SYNE1: variants seen among roughly 807,000 people sequenced by gnomAD.
The protein encoded by SYNE1 is spectrin repeat containing nuclear envelope protein 1, also known as nesprin-1.
SYNE1 carries 616 observed loss-of-function variants against 1,111.0 expected under a neutral mutation model. That is an observed-to-expected ratio of 0.55 (90% confidence interval 0.52 to 0.59). The LOEUF (loss-of-function observed/expected upper bound fraction) is 0.59, where lower values mean the gene tolerates loss of function less well. Ranked by LOEUF, SYNE1 falls within the 20% of genes least tolerant of loss-of-function variation. SYNE1 has a pLI of 0.00. For missense variants in SYNE1, 10,006 were observed against 10,417.0 expected, an observed-to-expected ratio of 0.96 and a Z score of 1.72; for synonymous variants, 3,855 against 3,825.8, an observed-to-expected ratio of 1.01 and a Z score of -0.28.
chr6:152,210,181 A>AT (rs1173612507), intron 124 of SYNE1, among the ~76,000 whole-genome samples: 8 of 151,284 alleles, frequency 5.3e-5, no homozygotes, highest in Admixed American at 1.3e-4. Context: ...CTCTAATCTG[A>AT]TTTTTTTTTC....
chr6:152,222,995 A>C (rs113058917), intron 117 of SYNE1, among the ~76,000 whole-genome samples: 4,143 of 152,320 alleles, frequency 0.027, 125 homozygotes, highest in African/African-American at 0.08. Context: ...CTGAGGTGAC[A>C]GACTCAGTTC....
At chr6:152,225,336 A>G (rs1365999089) in intron 116 of SYNE1, among the ~76,000 whole-genome samples, 1 of 151,844 alleles carries the variant, frequency 6.6e-6, no homozygotes, top group Non-Finnish European at 1.5e-5. Context: ...TAAATATCTT[A>G]AGACAAAACA....
chr6:152,569,151 T>A (rs1564904594), intron 3 of SYNE1, among the ~76,000 whole-genome samples: 1 of 152,190 alleles, frequency 6.6e-6, no homozygotes, highest in African/African-American at 2.4e-5. Flanking sequence ...AATTCCTGGC[T>A]CCAATCCTGA....
intron 98 of SYNE1, among the ~76,000 whole-genome samples, chr6:152,272,956 G>T (rs1489401488): frequency 6.6e-6 from 1 of 152,054 alleles, no homozygotes; most frequent in Non-Finnish European, 1.5e-5. Flanking sequence ...TGTAAACAGG[G>T]CTCCTTTTCT....
chr6:152,294,447 G>A (rs968649915), intron 93 of SYNE1, among the ~76,000 whole-genome samples: 3 of 152,130 alleles, frequency 2.0e-5, no homozygotes, highest in Admixed American at 1.3e-4. Context: ...GTATTTAAAG[G>A]TTGATTAGAA....
chr6:152,441,421 G>T, intron 31 of SYNE1, 151 bp from the exon 32 acceptor site: 1 of 835,234 alleles, frequency 1.2e-6, no homozygotes, highest in South Asian at 1.8e-5. Context: ...AGTATCTTCT[G>T]TAAGAATTTC....
chr6:152,184,880 TAA>T (rs2069357376), intron 128 of SYNE1, among the ~76,000 whole-genome samples: 1 of 152,128 alleles, frequency 6.6e-6, no homozygotes, highest in South Asian at 2.1e-4. Flanking sequence ...ATATACTAAG[TAA>T]ACATTACCAT....
At chr6:152,311,262 C>T (rs2095537654) in intron 87 of SYNE1, 1 of 249,898 alleles carries the variant, frequency 4.0e-6, no homozygotes, top group African/African-American at 2.2e-5. Flanking sequence ...ACTAAAGAAT[C>T]ACTTTTCAGC....
Position 152,425,607 on chromosome 6 carries a change from C to A in SYNE1, c.5101-60G>T, listed in dbSNP as rs920157041. 3.8e-6 allele frequency: 6 copies of A among 1,588,216 alleles called. No homozygotes were observed. In the African/African-American group the frequency reaches 6.7e-5, roughly 18 times the overall value. On this transcript the variant is annotated intron_variant, in intron 38 of 145. Coordinates refer to ENST00000367255, the MANE Select transcript of SYNE1 (RefSeq NM_182961.4). ...ACAGGACTGAAAAGTAAGGACCATG[C>A]GGCACAGGCGGCTGTTGTCCAAAGG...
At chr6:152,603,857 A>T (rs1432697964) in intron 3 of SYNE1, among the ~76,000 whole-genome samples, 1 of 103,716 alleles carries the variant, frequency 9.6e-6, no homozygotes, top group East Asian at 2.1e-4. Context: ...ATATATGTAT[A>T]TATAGATAGA....
In SYNE1 at chr6:152,278,203, C is replaced by T. The variant is rs748740460; in HGVS notation, c.18459G>A (p.Glu6153=). The change falls in exon 98 of 146, where the codon GAG becomes GAA. Residue 6153 remains glutamate (E), a synonymous_variant. Coordinates refer to ENST00000367255, the MANE Select transcript of SYNE1 (RefSeq NM_182961.4). Reference sequence around the variant, plus strand: ...CCTCGTCCTTGGTGTGAGCTTTGCCCTCCAGCAGCAGGTTCTCATTGTGGA... The same window carrying T: ...CCTCGTCCTTGGTGTGAGCTTTGCCTTCCAGCAGCAGGTTCTCATTGTGGA... ...LSVHNENLLL[E]GKAHTKDEAE... The T allele has an allele frequency of 1.2e-6, 2 of 1,614,202 alleles. No homozygotes were observed. Among genetic ancestry groups the T allele is most frequent in the Non-Finnish European group, 8.5e-7 (1 of 1,180,042 alleles).
intron 59 of SYNE1, among the ~76,000 whole-genome samples, chr6:152,370,056 T>A (rs1471833126): frequency 6.8e-6 from 1 of 146,370 alleles, no homozygotes; most frequent in African/African-American, 2.5e-5. Flanking sequence ...AAACACTCCA[T>A]CTTTTACCTT....
chr6:152,220,679 C>T (rs547310633), intron 119 of SYNE1, among the ~76,000 whole-genome samples, 163 bp downstream of exon 119: 7 of 152,316 alleles, frequency 4.6e-5, no homozygotes, highest in African/African-American at 1.4e-4. Context: ...GATGCATGTG[C>T]ACCTGTGTTC....
In SYNE1 at chr6:152,376,331, C is replaced by CTT. The variant is rs2097281907; in HGVS notation, c.9324+48_9324+49dup. The CTT allele has an allele frequency of 3.1e-6, 5 of 1,600,704 alleles. No individual in the cohort carries two copies. In the South Asian group the frequency reaches 4.4e-5, roughly 14 times the overall value. ...TGGGGACCCTTGATTTAGAGGTTAACTTTAGTTCACATCAGCACTGCTACT... is the reference window on the plus strand; with the variant it reads ...TGGGGACCCTTGATTTAGAGGTTAACTTTTTAGTTCACATCAGCACTGCTACT... On this transcript the variant is annotated intron_variant, in intron 58 of 145. Transcript: ENST00000367255.
At chr6:152,209,944 T>A (rs1324967720) in intron 124 of SYNE1, among the ~76,000 whole-genome samples, 1 of 152,018 alleles carries the variant, frequency 6.6e-6, no homozygotes, top group African/African-American at 2.4e-5. Flanking sequence ...CTTGAGAATA[T>A]CGTATAATCT....
chr6:152,284,807 A>T (rs2094237993), intron 95 of SYNE1, among the ~76,000 whole-genome samples: 1 of 151,900 alleles, frequency 6.6e-6, no homozygotes, highest in African/African-American at 2.4e-5. Context: ...CTTCCTCAAC[A>T]TGATTTTCCC....
At chr6:152,561,391 A>G (rs2099394801) in intron 3 of SYNE1, among the ~76,000 whole-genome samples, 2 of 152,300 alleles carry the variant, frequency 1.3e-5, no homozygotes, top group South Asian at 4.1e-4. Flanking sequence ...AAAGATCTGT[A>G]TAATGAAACA....
intron 96 of SYNE1, among the ~76,000 whole-genome samples, chr6:152,282,296 A>G (rs963859866): frequency 2.0e-5 from 3 of 152,218 alleles, no homozygotes; most frequent in Admixed American, 6.5e-5. Flanking sequence ...ATTAGAACAA[A>G]ACAATGGCAT....
At chr6:152,433,276 G>C (rs1348856099) in intron 34 of SYNE1, among the ~76,000 whole-genome samples, 1 of 152,100 alleles carries the variant, frequency 6.6e-6, no homozygotes, top group Non-Finnish European at 1.5e-5. Context: ...GAGAGGTAAG[G>C]AATCAGAGGA....
Sources: allele counts gnomAD v4.1 joint callset (sites outside exome capture counted in the v4.1 genomes callset), GRCh38; gene constraint gnomAD v4.1.1; transcripts MANE v1.5; gene names NCBI Gene and HGNC (gene_info 2026-07-23, HGNC 2026-07-21).